The following MYH8 variants were observed in gnomAD, a reference collection of about 807,000 sequenced individuals.
MYH8 encodes myosin-8.
A neutral mutation model predicts 233.2 loss-of-function variants in MYH8; 168 were observed. The ratio of observed to expected loss-of-function variants is 0.72; its 90% confidence interval spans 0.64 to 0.82. MYH8 has a LOEUF of 0.82. Ranked by LOEUF, MYH8 falls within the 40% of genes least tolerant of loss-of-function variation. MYH8 has a pLI of 0.00. For missense variants in MYH8, 1,995 were observed against 2,327.8 expected, an observed-to-expected ratio of 0.86 and a Z score of 2.94; for synonymous variants, 785 against 850.6, an observed-to-expected ratio of 0.92 and a Z score of 1.34.
rs1249097825 is a variant in MYH8, at chr17:10,420,051, T to G, written c.177A>C (p.Gly59=). The part of the protein sequence containing the change: ...YVKSTIQSKE[G]GKVTVKTEGG... Reference sequence around the variant, plus strand: ...CTTCAGTCTTTACGGTTACTTTCCCTCCTTCTTTGCTTTGTATAGTGCTCT... The same window carrying G: ...CTTCAGTCTTTACGGTTACTTTCCCGCCTTCTTTGCTTTGTATAGTGCTCT... Residue 59 remains glycine (G), a synonymous_variant, in exon 3 of 40, where the codon GGA becomes GGC. Transcript: ENST00000403437. 6.2e-7 allele frequency: 1 copy of G among 1,614,270 alleles called. No homozygotes were observed. The highest frequency in any genetic ancestry group is 1.1e-5 in the South Asian group (1 of 91,086).
intron 39 of MYH8, 99 bp downstream of exon 39, chr17:10,391,783 A>C: frequency 1.1e-6 from 1 of 937,540 alleles, no homozygotes; most frequent in South Asian, 1.3e-5. Flanking sequence ...TGAGTGGTAG[A>C]TTTTCACTTT....
chr17:10,399,537 C>G lies in MYH8; in HGVS notation c.3862+6G>C, dbSNP rs1462524235. ...TGGTGTTGGGACCCAGAGAAGATGT[C>G]TTTACCCGCTTCTGTCTGCAGGCGC... On this transcript the variant is annotated splice_donor_region_variant and intron_variant, in intron 28 of 39. Transcript: ENST00000403437. 3 of 1,613,166 alleles carry G rather than the reference C, an allele frequency of 1.9e-6. No homozygotes were observed. Among genetic ancestry groups the G allele is most frequent in the African/African-American group, 1.3e-5 (1 of 75,012 alleles).
chr17:10,400,684 C>T lies in MYH8; in HGVS notation c.3441G>A (p.Glu1147=). The T allele has an allele frequency of 1.2e-6, 2 of 1,614,210 alleles. No individual in the cohort carries two copies. Among genetic ancestry groups the T allele is most frequent in the East Asian group, 2.2e-5 (1 of 44,870 alleles). The change falls in exon 27 of 40, where the codon GAG becomes GAA. Residue 1147 remains glutamate (E), a synonymous_variant. Coordinates refer to ENST00000403437, the MANE Select transcript of MYH8 (RefSeq NM_002472.3). The surrounding 1 kb of genome is among the most constrained non-coding windows in gnomAD (Gnocchi z 4.0). ...KQRSDLSREL[E]EISERLEEAG... ...CTTCTTCCAGCCTCTCGCTGATCTCCTCCAGTTCCCGGGAGAGGTCAGAGC... is the reference window on the plus strand; with the variant it reads ...CTTCTTCCAGCCTCTCGCTGATCTCTTCCAGTTCCCGGGAGAGGTCAGAGC...
chr17:10,393,199 G>A lies in MYH8; in HGVS notation c.5178C>T (p.Leu1726=). Residue 1726 remains leucine, a synonymous_variant, in exon 36 of 40, where the codon CTC becomes CTT. Transcript: ENST00000403437. ...TTTCTAATTTCTTCTTGGTGTTAAT[G>A]AGACTGGTATTCTGTTAAAAGTAGT... ...VQLLHTQNTS[L]INTKKKLEND... is the part of the protein sequence containing the mutation. 1.2e-6 allele frequency: 2 copies of A among 1,614,152 alleles called. No individual in the cohort carries two copies. The highest frequency in any genetic ancestry group is 1.7e-6 in the Non-Finnish European group (2 of 1,180,038).
intron 22 of MYH8, 23 bp from the exon 23 acceptor site, chr17:10,401,808 A>T: frequency 6.2e-7 from 1 of 1,614,058 alleles, no homozygotes. Context: ...TCATTCAGAT[A>T]CTTAGAGTCT....
rs2072145784 is a variant in MYH8, at chr17:10,401,797, T to G, written c.2689-12A>C. ...AAGCTATCTGCTTCCTATGGAGAGATTCATTCAGATACTTAGAGTCTGTTA... is the reference window on the plus strand; with the variant it reads ...AAGCTATCTGCTTCCTATGGAGAGAGTCATTCAGATACTTAGAGTCTGTTA... On this transcript the variant is annotated splice_polypyrimidine_tract_variant and intron_variant, in intron 22 of 39. Transcript: ENST00000403437. 1.2e-6 allele frequency: 2 copies of G among 1,614,074 alleles called. No homozygotes were observed. Among genetic ancestry groups the G allele is most frequent in the Non-Finnish European group, 1.7e-6 (2 of 1,180,042 alleles).
chr17:10,409,593 A>T lies in MYH8; in HGVS notation c.1588-5T>A, dbSNP rs374269932. ...GATGGAGAAGATGCCCAGTGGCTGA[A>T]TTCAGAAAAGTAACATTGGTGTCAA... On this transcript the variant is annotated splice_region_variant and splice_polypyrimidine_tract_variant and intron_variant, in intron 15 of 39. Transcript: ENST00000403437. 10 of 1,614,178 alleles carry T rather than the reference A, an allele frequency of 6.2e-6. No individual in the cohort carries two copies. The highest frequency in any genetic ancestry group is 8.5e-6 in the Non-Finnish European group (10 of 1,179,994).
chr17:10,415,092 A>C lies in MYH8; in HGVS notation c.805+24T>G, dbSNP rs2072277316. The C allele has an allele frequency of 6.2e-7, 1 of 1,605,128 alleles. No individual in the cohort carries two copies. On this transcript the variant is annotated intron_variant, in intron 9 of 39. Transcript: ENST00000403437. The surrounding 1 kb of genome is among the most constrained non-coding windows in gnomAD (Gnocchi z 4.1). ...TGAAATCACTTGTCTCTCTGTTTTG[A>C]TTTTCAATGGTCCTGTTACTCACAT...
intron 21 of MYH8, among the ~76,000 whole-genome samples, chr17:10,404,983 T>C (rs1200621250): frequency 6.6e-6 from 1 of 152,186 alleles, no homozygotes; most frequent in African/African-American, 2.4e-5. Flanking sequence ...ATGTTGATTG[T>C]GCTGCCTGTC....
At position 10,400,845 on chromosome 17, in the gene MYH8, A is replaced by C; in HGVS notation, c.3345+24T>G. 1.2e-6 allele frequency: 2 copies of C among 1,613,880 alleles called. No individual in the cohort carries two copies. The highest frequency in any genetic ancestry group is 1.7e-6 in the Non-Finnish European group (2 of 1,180,000). On this transcript the variant is annotated intron_variant, in intron 26 of 39. Transcript: ENST00000403437. The surrounding 1 kb of genome is among the most constrained non-coding windows in gnomAD (Gnocchi z 4.0). Reference sequence around the variant, plus strand: ...CTTCAGTGTTTTTTTGGTGTGCAGAAAAAATAGAGGTGAGATGACTCACCT... The same window carrying C: ...CTTCAGTGTTTTTTTGGTGTGCAGACAAAATAGAGGTGAGATGACTCACCT...
intron 12 of MYH8, 52 bp downstream of exon 12, chr17:10,413,850 T>G: frequency 6.2e-7 from 1 of 1,613,418 alleles, no homozygotes; most frequent in African/African-American, 1.3e-5. Flanking sequence ...AAATAGGATT[T>G]TTTTTTTTGC....
chr17:10,398,583 G>T lies in MYH8; in HGVS notation c.4039C>A (p.Arg1347=), dbSNP rs548884643. 6.2e-6 allele frequency: 10 copies of T among 1,614,056 alleles called. No individual in the cohort carries two copies. The highest frequency in any genetic ancestry group is 1.3e-5 in the African/African-American group (1 of 74,922). ...TCCTGCTCTTCCTCATACTGTTCCC[G>T]CAGCAGGTCGCAGTCATGGCGGGAG... ...QSSRHDCDLL[R]EQYEEEQEGK... is the part of the protein sequence containing the mutation. Residue 1347 remains arginine (R), a synonymous_variant, in exon 30 of 40, where the codon CGG becomes AGG. Transcript: ENST00000403437.
Position 10,419,181 on chromosome 17 carries a change from C to G in MYH8, c.211-151G>C, listed in dbSNP as rs1242668134. On this transcript the variant is annotated intron_variant, in intron 3 of 39. Coordinates refer to ENST00000403437, the MANE Select transcript of MYH8 (RefSeq NM_002472.3). The surrounding 1 kb of genome is among the most constrained non-coding windows in gnomAD (Gnocchi z 4.0). ...CAAGTGATTGTCCTGCCTCAGCCTTCTGAGTAGCTGGGATTGCAAGTGCCC... is the reference window on the plus strand; with the variant it reads ...CAAGTGATTGTCCTGCCTCAGCCTTGTGAGTAGCTGGGATTGCAAGTGCCC... 1 of 963,812 alleles carries G rather than the reference C, an allele frequency of 1.0e-6. No homozygotes were observed. 59.7% of individuals were successfully genotyped at this position (963,812 alleles called of 1,614,324 possible).
rs2072008994 is a variant in MYH8 at position 10,390,370 on chromosome 17, A to C, written c.*84T>G. On this transcript the variant is annotated 3_prime_UTR_variant, in exon 40 of 40. Coordinates refer to ENST00000403437, the MANE Select transcript of MYH8 (RefSeq NM_002472.3). ...TTTTTATTTATTCAGCTTTAACAGG[A>C]AAATAAACGTCATAAAGCAAGTGAC... The C allele has an allele frequency of 6.5e-7, 1 of 1,539,124 alleles. No homozygotes were observed. The highest frequency in any genetic ancestry group is 1.4e-5 in the African/African-American group (1 of 73,246).
rs2072076343 is a variant in MYH8, at chr17:10,396,153, T to C, written c.4653+177A>G. Among the ~76,000 whole-genome samples the C allele has an allele frequency of 6.6e-6, 1 of 152,216 alleles. No homozygotes were observed. Among genetic ancestry groups the C allele is most frequent in the Non-Finnish European group, 1.5e-5 (1 of 68,034 alleles). Reference sequence around the variant, plus strand: ...ACTCCATTTGACATCTTTTGGGTGATAAAATCTTAGAAATAGAATTGATAG... The same window carrying C: ...ACTCCATTTGACATCTTTTGGGTGACAAAATCTTAGAAATAGAATTGATAG... On this transcript the variant is annotated intron_variant, in intron 33 of 39. Coordinates refer to ENST00000403437, the MANE Select transcript of MYH8 (RefSeq NM_002472.3). This position sits in a 1 kb window ranked among gnomAD's most constrained non-coding sequence, Gnocchi z 4.2.
At chr17:10,393,309 C>T (rs2072047699) in intron 35 of MYH8, 99 bp from the exon 36 acceptor site, 1 of 1,419,232 alleles carries the variant, frequency 7.0e-7, no homozygotes, top group Admixed American at 1.7e-5. Context: ...GATCTGCTGG[C>T]AACATTTCAC....
chr17:10,390,520 A>G lies in MYH8; in HGVS notation c.5748T>C (p.Ala1916=). The G allele has an allele frequency of 1.2e-6, 2 of 1,614,200 alleles. No individual in the cohort carries two copies. The highest frequency in any genetic ancestry group is 1.7e-6 in the Non-Finnish European group (2 of 1,180,038). ...LEEAEERADI[A]ESQVNKLRVK... ...CTCGCAATTTGTTGACCTGGGACTC[A>G]GCAATGTCAGCCCGTTCCTCGGCCT... Residue 1916 remains alanine, a synonymous_variant, in exon 40 of 40, where the codon GCT becomes GCC. Coordinates refer to ENST00000403437, the MANE Select transcript of MYH8 (RefSeq NM_002472.3).
intron 34 of MYH8, 87 bp from the exon 35 acceptor site, chr17:10,394,539 C>A: frequency 6.1e-6 from 9 of 1,485,232 alleles, no homozygotes; most frequent in Non-Finnish European, 7.4e-6. Flanking sequence ...GTACTGGTGA[C>A]AGGAACAGAA....
At position 10,417,724 on chromosome 17, in the gene MYH8, A is replaced by G. The variant is rs114212666; in HGVS notation, c.511+921T>C. On this transcript the variant is annotated intron_variant, in intron 5 of 39. Coordinates refer to ENST00000403437, the MANE Select transcript of MYH8 (RefSeq NM_002472.3). The surrounding 1 kb of genome is among the most constrained non-coding windows in gnomAD (Gnocchi z 4.1). ...AGCGTTTGGATAATTTCTGGGAGGTAGTTAGCTTCTGTTGACAATCAAAGA... is the reference window on the plus strand; with the variant it reads ...AGCGTTTGGATAATTTCTGGGAGGTGGTTAGCTTCTGTTGACAATCAAAGA... 6.9e-4 allele frequency among the ~76,000 whole-genome samples: 105 copies of G among 152,328 alleles called. No individual in the cohort carries two copies. Among genetic ancestry groups the G allele is most frequent in the African/African-American group, 2.4e-3 (99 of 41,580 alleles).
Sources: allele counts gnomAD v4.1 joint callset (sites outside exome capture counted in the v4.1 genomes callset), GRCh38; gene constraint gnomAD v4.1.1; non-coding constraint Gnocchi (gnomAD v3.1); transcripts MANE v1.5; gene names NCBI Gene and HGNC (gene_info 2026-07-23, HGNC 2026-07-21).